The following TULP4 variants were observed in gnomAD, a reference collection of about 807,000 sequenced individuals.
TULP4 encodes TUB like protein 4.
A neutral mutation model predicts 129.0 loss-of-function variants in TULP4; 16 were observed. The ratio of observed to expected loss-of-function variants is 0.12; its 90% CI spans 0.08 to 0.19. The LOEUF (loss-of-function observed/expected upper bound fraction) is 0.19. Ranked by LOEUF, TULP4 falls within the 10% of genes least tolerant of loss-of-function variation. The pLI, the probability that TULP4 is intolerant of heterozygous loss-of-function variation, is 1.00. For missense variants in TULP4, 1,842 were observed against 2,059.1 expected (o/e 0.89, Z 2.04); for synonymous variants, 998 against 854.0 (o/e 1.17, Z -2.94).
At position 158,413,305 on chromosome 6, in the gene TULP4, G is replaced by C. The variant is rs1036172204; in HGVS notation, c.381+112G>C. Reference sequence around the variant, plus strand: ...ACACAGCGCCACGTGCTCCAGAGCTGGGGGAAGAGAAATCAATCAAATTAG... The same window carrying C: ...ACACAGCGCCACGTGCTCCAGAGCTCGGGGAAGAGAAATCAATCAAATTAG... On this transcript the variant is annotated intron_variant, in intron 2 of 13. Transcript: ENST00000367097. This position sits in a 1 kb window ranked among gnomAD's most constrained non-coding sequence, Gnocchi z 4.9. The C allele has an allele frequency of 1.6e-6, 2 of 1,244,868 alleles. No individual in the cohort carries two copies. The highest frequency in any genetic ancestry group is 3.0e-5 in the African/African-American group (2 of 66,538). 77.1% of individuals were successfully genotyped at this position (1,244,868 alleles called of 1,614,324 possible).
intron 5 of TULP4, among the ~76,000 whole-genome samples, chr6:158,457,902 G>C (rs868833986): frequency 6.8e-6 from 1 of 147,592 alleles, no homozygotes; most frequent in Non-Finnish European, 1.5e-5. Flanking sequence ...TTCAGTCCTT[G>C]CAGTGAAACA....
rs142500811 is a variant in TULP4 at position 158,429,750 on chromosome 6, G to T, written c.396G>T (p.Thr132=). 2 of 1,611,696 alleles carry T rather than the reference G, an allele frequency of 1.2e-6. No individual in the cohort carries two copies. Among genetic ancestry groups the T allele is most frequent in the Non-Finnish European group, 1.7e-6 (2 of 1,178,862 alleles). The change falls in exon 3 of 14, where the codon ACG becomes ACT. Residue 132 remains threonine, a synonymous_variant. Coordinates refer to ENST00000367097, the MANE Select transcript of TULP4 (RefSeq NM_020245.5). Reference sequence around the variant, plus strand: ...GTGTCCCCAAGGTGAGTGATTTCACGTGGAGCCATGATGGAACTCAAGCAC... The same window carrying T: ...GTGTCCCCAAGGTGAGTGATTTCACTTGGAGCCATGATGGAACTCAAGCAC... ...NDRGAQVSDF[T]WSHDGTQALI...
intron 8 of TULP4, among the ~76,000 whole-genome samples, chr6:158,487,108 T>TG (rs397819616): frequency 6.6e-6 from 1 of 151,426 alleles, no homozygotes; most frequent in Non-Finnish European, 1.5e-5. Flanking sequence ...ATTAGCTGGG[T>TG]GTGGTGGCAG....
intron 4 of TULP4, among the ~76,000 whole-genome samples, chr6:158,449,839 G>T (rs1358733395): frequency 6.6e-6 from 1 of 151,924 alleles, no homozygotes; most frequent in African/African-American, 2.4e-5. Context: ...GGCCCACTCA[G>T]TTGGCTCTTC....
chr6:158,306,423 C>T (rs912051487), intron 1 of TULP4, among the ~76,000 whole-genome samples: 6 of 152,078 alleles, frequency 3.9e-5, no homozygotes, highest in South Asian at 2.1e-4. Flanking sequence ...CCGGGCATGG[C>T]GGCATGCGCC....
chr6:158,471,930 G>C (rs1429462220), intron 6 of TULP4, among the ~76,000 whole-genome samples: 4 of 152,158 alleles, frequency 2.6e-5, no homozygotes, highest in Non-Finnish European at 5.9e-5. Context: ...TTTATGATTA[G>C]AATATTTGTG....
intron 1 of TULP4, among the ~76,000 whole-genome samples, chr6:158,238,729 A>G (rs1359494321): frequency 2.1e-5 from 2 of 96,648 alleles, no homozygotes; most frequent in African/African-American, 7.7e-5. Context: ...TGTTTCAGAG[A>G]GCACAGGGTT....
At chr6:158,260,978 G>A (rs1450430940) in intron 1 of TULP4, among the ~76,000 whole-genome samples, 3 of 151,774 alleles carry the variant, frequency 2.0e-5, no homozygotes, top group African/African-American at 4.8e-5. Context: ...ACACCACCAC[G>A]ACCGGCTAAT....
At position 158,429,666 on chromosome 6, in the gene TULP4, T is replaced by C; in HGVS notation, c.382-70T>C. 2.0e-6 allele frequency: 3 copies of C among 1,500,860 alleles called. No individual in the cohort carries two copies. The South Asian group carries it at 3.9e-5, about 19-fold the overall frequency. 93.0% of individuals were successfully genotyped at this position (1,500,860 alleles called of 1,614,324 possible). A position where few individuals can be genotyped will look rare whatever the true frequency, so the allele number is the denominator to read the frequency against. ...AGCCAAAAGTCTAAGTTAATGACTATGTCTAGACTTTGATAAAATGTTTTC... is the reference window on the plus strand; with the variant it reads ...AGCCAAAAGTCTAAGTTAATGACTACGTCTAGACTTTGATAAAATGTTTTC... On this transcript the variant is annotated intron_variant, in intron 2 of 13. Transcript: ENST00000367097.
chr6:158,256,048 C>T (rs548448756), intron 1 of TULP4, among the ~76,000 whole-genome samples: 1 of 152,272 alleles, frequency 6.6e-6, no homozygotes, highest in East Asian at 1.9e-4. Flanking sequence ...GGCATGAATG[C>T]AGTGAACTCT....
Position 158,502,533 on chromosome 6 carries a change from A to G in TULP4, c.2870A>G (p.Asp957Gly). Residue 957 changes from aspartate (D) to glycine (G), a missense_variant, in exon 13 of 14, where the codon GAC becomes GGC. By Grantham distance (94) the Asp-to-Gly change is moderately conservative. Transcript: ENST00000367097. ...CCTCGCTACTCCATCCCCACCGGGG[A>G]CCCACCCCCGTATCCTGAAATTGCC... is the stretch of plus-strand genomic sequence containing the variant. Reference protein sequence around the residue: ...TVPRYSIPTGDPPPYPEIASQ... With the variant: ...TVPRYSIPTGGPPPYPEIASQ... The G allele has an allele frequency of 6.2e-7, 1 of 1,609,642 alleles. No individual in the cohort carries two copies. The highest frequency in any genetic ancestry group is 8.5e-7 in the Non-Finnish European group (1 of 1,179,720).
intron 3 of TULP4, among the ~76,000 whole-genome samples, chr6:158,434,990 A>G (rs1405616109): frequency 6.6e-6 from 1 of 152,228 alleles, no homozygotes; most frequent in African/African-American, 2.4e-5. Flanking sequence ...AGCAGCCCCC[A>G]CACGTTTCTC....
chr6:158,457,073 G>A (rs1360132516), intron 5 of TULP4, among the ~76,000 whole-genome samples: 2 of 152,126 alleles, frequency 1.3e-5, no homozygotes, highest in Non-Finnish European at 2.9e-5. Flanking sequence ...CCAGAATACT[G>A]TTGGAGACGG....
At chr6:158,336,106 C>T (rs963823674) in intron 1 of TULP4, among the ~76,000 whole-genome samples, 1 of 152,186 alleles carries the variant, frequency 6.6e-6, no homozygotes, top group South Asian at 2.1e-4. Context: ...TAGTATATTA[C>T]CAAGCTTTTA....
At position 158,390,491 on chromosome 6, in the gene TULP4, TAAA is replaced by T. The variant is rs201909737; in HGVS notation, c.253-22570_253-22568del. Among the ~76,000 whole-genome samples the T allele has an allele frequency of 7.3e-3, 1,106 of 152,292 alleles. 6 individuals carry two copies. Among genetic ancestry groups the T allele is most frequent in the Middle Eastern group, 0.014 (4 of 294 alleles). ...TAGTGATTTGTTAGCATCTTCGAATTAAAAAAGAAAAACTGGATTCCAATTTGT... is the reference window on the plus strand; with the variant it reads ...TAGTGATTTGTTAGCATCTTCGAATTAAAGAAAAACTGGATTCCAATTTGT... On this transcript the variant is annotated intron_variant, in intron 1 of 13. Coordinates refer to ENST00000367097, the MANE Select transcript of TULP4 (RefSeq NM_020245.5).
chr6:158,402,016 C>T lies in TULP4; in HGVS notation c.253-11049C>T, dbSNP rs963245622. 8.5e-5 allele frequency among the ~76,000 whole-genome samples: 13 copies of T among 152,150 alleles called. No individual in the cohort carries two copies. The East Asian group carries it at 1.3e-3, about 16-fold the overall frequency. On this transcript the variant is annotated intron_variant, in intron 1 of 13. Coordinates refer to ENST00000367097, the MANE Select transcript of TULP4 (RefSeq NM_020245.5). ...GCTGGAAAGGTCTTAGACAAAACTTCGGTGTATATTTTTCTGTATGCAAAA... is the reference window on the plus strand; with the variant it reads ...GCTGGAAAGGTCTTAGACAAAACTTTGGTGTATATTTTTCTGTATGCAAAA...
chr6:158,278,519 A>C (rs531112750), upstream of TULP4, among the ~76,000 whole-genome samples: 2 of 152,222 alleles, frequency 1.3e-5, no homozygotes, highest in Non-Finnish European at 2.9e-5. Context: ...CTTAATTTTC[A>C]ATACATATAC....
At chr6:158,321,393 T>C (rs1779625421) in intron 1 of TULP4, among the ~76,000 whole-genome samples, 1 of 152,174 alleles carries the variant, frequency 6.6e-6, no homozygotes, top group Admixed American at 6.5e-5. Flanking sequence ...TCTCCCTACA[T>C]GCTATGACTC....
At chr6:158,346,344 G>A (rs997848235) in intron 1 of TULP4, among the ~76,000 whole-genome samples, 2 of 152,174 alleles carry the variant, frequency 1.3e-5, no homozygotes, top group East Asian at 3.8e-4. Context: ...CACAATTTAT[G>A]TTCCTCTGCC....
Sources: gnomAD v4.1 joint callset for allele counts (sites outside exome capture counted in the v4.1 genomes callset) on GRCh38, gnomAD v4.1.1 for gene constraint, Gnocchi (gnomAD v3.1) non-coding constraint, MANE v1.5 for transcripts, NCBI Gene and HGNC (gene_info 2026-07-23, HGNC 2026-07-21) for gene names.